Variants in CDH4 observed in about 807,000 individuals in gnomAD.
CDH4 encodes the protein cadherin 4.
In CDH4, 33 loss-of-function variants were observed where a neutral mutation model predicts 86.0. The ratio of observed to expected loss-of-function variants is 0.38; its 90% CI spans 0.29 to 0.51. CDH4 has a LOEUF of 0.51. Ranked by LOEUF, CDH4 falls within the 20% of genes least tolerant of loss-of-function variation. CDH4 has a pLI of 0.86. For synonymous variants in CDH4, 555 were observed against 549.4 expected, an observed-to-expected ratio of 1.01 and a Z score of -0.14; for missense variants, 1,114 against 1,307.4, an observed-to-expected ratio of 0.85 and a Z score of 2.28.
chr20:61,753,115 G>T (rs1415428288), intron 3 of CDH4, among the ~76,000 whole-genome samples: 1 of 152,192 alleles, frequency 6.6e-6, no homozygotes, highest in African/African-American at 2.4e-5. Flanking sequence ...CTGGCAGAAG[G>T]TTCTGGAGAA....
intron 2 of CDH4, among the ~76,000 whole-genome samples, chr20:61,506,081 A>C (rs1427083373): frequency 6.6e-6 from 1 of 152,254 alleles, no homozygotes; most frequent in Non-Finnish European, 1.5e-5. Context: ...GAACAAAACC[A>C]AAGTGACTTT....
intron 2 of CDH4, among the ~76,000 whole-genome samples, chr20:61,468,924 G>T (rs772317536): frequency 1.8e-4 from 27 of 152,148 alleles, no homozygotes; most frequent in Non-Finnish European, 3.4e-4. Context: ...ACTCCATCGT[G>T]TATAGGTACC....
rs544913565 is a variant in CDH4, at chr20:61,937,104, A to AC, written c.*166dup. 2.6e-3 allele frequency: 1,295 copies of AC among 502,214 alleles called. 13 individuals are homozygous for AC. The highest frequency in any genetic ancestry group is 0.024 in the African/African-American group (1,181 of 49,054). The allele number at this position is 502,214 out of a possible 1,614,324, so 31.1% of individuals were successfully genotyped here. A position where few individuals can be genotyped will look rare whatever the true frequency, so the allele number is the denominator to read the frequency against. On this transcript the variant is annotated 3_prime_UTR_variant, in exon 16 of 16. Coordinates refer to ENST00000614565, the MANE Select transcript of CDH4 (RefSeq NM_001794.5). ...GTTGAGCTGTCTAGCATGAGCACCC[A>AC]CCCCCACAGCGCCCTGCACCCGGCC...
intron 4 of CDH4, among the ~76,000 whole-genome samples, chr20:61,830,290 C>T (rs1485222698): frequency 3.3e-5 from 5 of 152,140 alleles, no homozygotes; most frequent in African/African-American, 4.8e-5. Flanking sequence ...TGGGGCTCAG[C>T]GTCCTGCGTG....
At chr20:61,298,762 C>T (rs2084370593) in intron 2 of CDH4, among the ~76,000 whole-genome samples, 1 of 149,762 alleles carries the variant, frequency 6.7e-6, no homozygotes, top group Non-Finnish European at 1.5e-5. Flanking sequence ...TGAAGAAAGT[C>T]ATTTCCAAGT....
At chr20:61,731,014 A>G (rs1490167274) in intron 2 of CDH4, among the ~76,000 whole-genome samples, 1 of 151,476 alleles carries the variant, frequency 6.6e-6, no homozygotes, top group African/African-American at 2.4e-5. Context: ...AGGGGGTCTC[A>G]GGCAGCAAGG....
intron 2 of CDH4, among the ~76,000 whole-genome samples, chr20:61,651,042 C>T (rs550543112): frequency 6.6e-6 from 1 of 152,218 alleles, no homozygotes; most frequent in African/African-American, 2.4e-5. Context: ...TGGCCGTGCA[C>T]TGGTGTGCTT....
At position 61,368,504 on chromosome 20, in the gene CDH4, A is replaced by G. The variant is rs1012376887; in HGVS notation, c.169+113567A>G. On this transcript the variant is annotated intron_variant, in intron 2 of 15. Coordinates refer to ENST00000614565, the MANE Select transcript of CDH4 (RefSeq NM_001794.5). ...GACTTCCCAGCCTCCAAAGCAATGA[A>G]CAATAAATTGCTGTTGTTTATAAGT... 2.0e-5 allele frequency among the ~76,000 whole-genome samples: 3 copies of G among 152,282 alleles called. No individual in the cohort carries two copies. In the East Asian group the frequency reaches 5.8e-4, roughly 29 times the overall value.
At chr20:61,865,173 G>A (rs966045366) in intron 6 of CDH4, among the ~76,000 whole-genome samples, 10 of 149,598 alleles carry the variant, frequency 6.7e-5, no homozygotes, top group Admixed American at 2.0e-4. Context: ...CGCTGCATCC[G>A]GCAGGAGGCA....
intron 2 of CDH4, among the ~76,000 whole-genome samples, chr20:61,491,896 ATAT>A (rs1426508866): frequency 6.6e-6 from 1 of 151,276 alleles, no homozygotes; most frequent in Non-Finnish European, 1.5e-5. Context: ...GGTGTTGTCA[ATAT>A]TATTGATGCT....
chr20:61,471,834 TATTG>T (rs1198608351), intron 2 of CDH4, among the ~76,000 whole-genome samples: 1 of 152,170 alleles, frequency 6.6e-6, no homozygotes, highest in African/African-American at 2.4e-5. Flanking sequence ...ATTCCTCTTT[TATTG>T]ATTTCTAGTT....
intron 2 of CDH4, among the ~76,000 whole-genome samples, chr20:61,491,878 T>C (rs2085627655): frequency 2.0e-5 from 3 of 151,462 alleles, no homozygotes; most frequent in African/African-American, 7.3e-5. Flanking sequence ...GTTGATGGTA[T>C]TGATGTTGGT....
chr20:61,447,701 A>C (rs2085360210), intron 2 of CDH4, among the ~76,000 whole-genome samples: 1 of 145,454 alleles, frequency 6.9e-6, no homozygotes, highest in Admixed American at 7.1e-5. Flanking sequence ...GGAGGAGAAG[A>C]GGTAGGAGCA....
chr20:61,470,153 TA>T (rs2085494408), intron 2 of CDH4, among the ~76,000 whole-genome samples: 1 of 152,196 alleles, frequency 6.6e-6, no homozygotes, highest in Non-Finnish European at 1.5e-5. Flanking sequence ...CTTTGGAAAG[TA>T]TGGACACTTT....
intron 2 of CDH4, among the ~76,000 whole-genome samples, chr20:61,272,357 G>A (rs765487062): frequency 8.5e-5 from 13 of 152,136 alleles, no homozygotes; most frequent in African/African-American, 1.2e-4. Context: ...GGCTGCAGTC[G>A]CCCCCTGTCT....
intron 4 of CDH4, among the ~76,000 whole-genome samples, chr20:61,797,453 G>C (rs373835428): frequency 6.6e-6 from 1 of 152,304 alleles, no homozygotes; most frequent in East Asian, 1.9e-4. Context: ...CATGAAGCTG[G>C]GGTTGTATCA....
At chr20:61,266,530 A>T (rs2084159154) in intron 2 of CDH4, among the ~76,000 whole-genome samples, 3 of 151,902 alleles carry the variant, frequency 2.0e-5, no homozygotes, top group African/African-American at 7.3e-5. Flanking sequence ...AGGTTGGTGC[A>T]TGAGTTTGCT....
chr20:61,295,082 C>A (rs1173775749), intron 2 of CDH4, among the ~76,000 whole-genome samples: 1 of 152,184 alleles, frequency 6.6e-6, no homozygotes. Flanking sequence ...ATGACTTTGT[C>A]GAAGGCAGGG....
intron 3 of CDH4, among the ~76,000 whole-genome samples, chr20:61,746,782 T>C (rs1600942503): frequency 6.6e-6 from 1 of 152,238 alleles, no homozygotes; most frequent in Non-Finnish European, 1.5e-5. Context: ...CATATGGCTG[T>C]CATTGCCTGG....
Sources: gnomAD v4.1 joint callset for allele counts (sites outside exome capture counted in the v4.1 genomes callset) on GRCh38, gnomAD v4.1.1 for gene constraint, MANE v1.5 for transcripts, NCBI Gene and HGNC (gene_info 2026-07-23, HGNC 2026-07-21) for gene names.